IFNAR2: variants seen among roughly 807,000 people sequenced by gnomAD.
The protein encoded by IFNAR2 is interferon alpha and beta receptor subunit 2.
A neutral mutation model predicts 49.4 loss-of-function variants in IFNAR2; 30 were observed. That is an observed-to-expected ratio of 0.61 (90% CI 0.45 to 0.82). IFNAR2 has a LOEUF of 0.82. Among genes scored for constraint, IFNAR2 ranks in the 40% least tolerant of loss-of-function variants. IFNAR2 has a pLI of 0.00. For synonymous variants in IFNAR2, 224 were observed against 234.5 expected (o/e 0.96, Z 0.41); for missense variants, 600 against 622.7 (o/e 0.96, Z 0.39).
chr21:33,231,773 G>C (rs1246546813), intron 1 of IFNAR2: 2 of 764,022 alleles, frequency 2.6e-6, no homozygotes, highest in Non-Finnish European at 3.2e-6. Flanking sequence ...ACAAAGTCTC[G>C]CTCTGTCGCG....
intron 2 of IFNAR2, 107 bp downstream of exon 2, chr21:33,242,084 C>T: frequency 2.1e-6 from 2 of 944,244 alleles, no homozygotes; most frequent in Non-Finnish European, 3.2e-6. Context: ...CTAGAGGACC[C>T]AGTACCACCC....
At position 33,230,403 on chromosome 21, in the gene IFNAR2, G is replaced by C. The variant is rs925711277; in HGVS notation, c.-84+187G>C. 2.0e-5 allele frequency: 10 copies of C among 504,328 alleles called. No individual in the cohort carries two copies. Among genetic ancestry groups the C allele is most frequent in the African/African-American group, 1.0e-4 (5 of 49,052 alleles). 31.2% of individuals were successfully genotyped at this position (504,328 alleles called of 1,614,324 possible). A position where few individuals can be genotyped will look rare whatever the true frequency, so the allele number is the denominator to read the frequency against. On this transcript the variant is annotated intron_variant, in intron 1 of 8. Coordinates refer to ENST00000342136, the MANE Select transcript of IFNAR2 (RefSeq NM_001289125.3). The surrounding 1 kb of genome is among the most constrained non-coding windows in gnomAD (Gnocchi z 5.5). ...GGCTAGTGCGCCCTTCCTCTCTCCC[G>C]GGGCCGCACCTGCGACCCCAGGACC...
At position 33,230,256 on chromosome 21, in the gene IFNAR2, G is replaced by C. The variant is rs1410469468; in HGVS notation, c.-84+40G>C. 3 of 1,098,140 alleles carry C rather than the reference G, an allele frequency of 2.7e-6. No homozygotes were observed. The highest frequency in any genetic ancestry group is 5.4e-5 in the Admixed American group (1 of 18,614). The allele number at this position is 1,098,140 out of a possible 1,614,324, so 68.0% of individuals were successfully genotyped here. On this transcript the variant is annotated intron_variant, in intron 1 of 8. Coordinates refer to ENST00000342136, the MANE Select transcript of IFNAR2 (RefSeq NM_001289125.3). The surrounding 1 kb of genome is among the most constrained non-coding windows in gnomAD (Gnocchi z 5.5). The stretch of plus-strand genomic sequence containing the variant: ...CGGGGTCGCGGGAGCGGAGCGCGTG[G>C]CCAGCTGACTGGAGGGAAAACGCCG...
chr21:33,247,833 C>T (rs536346343), intron 5 of IFNAR2, among the ~76,000 whole-genome samples: 2 of 152,328 alleles, frequency 1.3e-5, no homozygotes, highest in Admixed American at 6.5e-5. Flanking sequence ...TGCGGGTGTG[C>T]ACGTGCTCAT....
intron 3 of IFNAR2, among the ~76,000 whole-genome samples, chr21:33,244,409 T>C (rs2123476481): frequency 6.6e-6 from 1 of 152,310 alleles, no homozygotes; most frequent in African/African-American, 2.4e-5. Flanking sequence ...GTTGTGGGGC[T>C]TAAATGCTTA....
intron 1 of IFNAR2, among the ~76,000 whole-genome samples, chr21:33,234,540 C>G (rs767622583): frequency 6.6e-5 from 10 of 152,096 alleles, no homozygotes; most frequent in Non-Finnish European, 1.5e-4. Context: ...AAGACACAGC[C>G]ATACTTTACC....
In IFNAR2 at chr21:33,251,986, G is replaced by A. The variant is rs533569707; in HGVS notation, c.541-676G>A. The stretch of plus-strand genomic sequence containing the variant: ...TAATCCCAGCTACTCAGGAGACTGA[G>A]GCAAGAGAATCTCTTGAACCCAGGA... On this transcript the variant is annotated intron_variant, in intron 6 of 8. Coordinates refer to ENST00000342136, the MANE Select transcript of IFNAR2 (RefSeq NM_001289125.3). Among the ~76,000 whole-genome samples, 9 of 152,338 alleles carry A rather than the reference G, an allele frequency of 5.9e-5. No individual in the cohort carries two copies. The East Asian group carries it at 1.7e-3, about 29-fold the overall frequency.
Position 33,252,375 on chromosome 21 carries a change from G to GAGACTTTTATTCCTCTTTGA in IFNAR2, c.541-276_541-257dup, listed in dbSNP as rs1397163053. 1.4e-4 allele frequency: 139 copies of GAGACTTTTATTCCTCTTTGA among 1,022,904 alleles called. 1 individual carries two copies. Among genetic ancestry groups the GAGACTTTTATTCCTCTTTGA allele is most frequent in the Admixed American group, 2.7e-4 (7 of 25,912 alleles). The allele number at this position is 1,022,904 out of a possible 1,614,324, so 63.4% of individuals were successfully genotyped here. On this transcript the variant is annotated intron_variant, in intron 6 of 8. Coordinates refer to ENST00000342136, the MANE Select transcript of IFNAR2 (RefSeq NM_001289125.3). Reference sequence around the variant, plus strand: ...ATAATCTTGTAAAAATGACGTCACAGAGACTTTTATTCCTCTTTGAAGACT... The same window carrying GAGACTTTTATTCCTCTTTGA: ...ATAATCTTGTAAAAATGACGTCACAGAGACTTTTATTCCTCTTTGAAGACTTTTATTCCTCTTTGAAGACT...
chr21:33,246,199 T>C (rs1452511898), intron 4 of IFNAR2, among the ~76,000 whole-genome samples: 1 of 152,100 alleles, frequency 6.6e-6, no homozygotes, highest in Non-Finnish European at 1.5e-5. Flanking sequence ...GCCTCCCAAG[T>C]AGCTGGGACT....
chr21:33,257,230 G>A (rs535399906), intron 7 of IFNAR2, among the ~76,000 whole-genome samples: 28 of 152,304 alleles, frequency 1.8e-4, no homozygotes, highest in East Asian at 9.6e-4. Flanking sequence ...TTATGTGTCC[G>A]GAGTTGGTTC....
Position 33,244,993 on chromosome 21 carries a change from A to C in IFNAR2, c.140A>C (p.Asn47Thr). ...TGCACTTTCAAGATATCATTGCGAAATTTCCGGTCCATCTTATCATGGGAA... is the reference window on the plus strand; with the variant it reads ...TGCACTTTCAAGATATCATTGCGAACTTTCCGGTCCATCTTATCATGGGAA... ...ESCTFKISLRNFRSILSWELK... is the reference protein window; with the variant it reads ...ESCTFKISLRTFRSILSWELK... Residue 47 changes from asparagine (N) to threonine (T), a missense_variant, in exon 4 of 9, where the codon AAT (asparagine) becomes ACT (threonine). By Grantham distance (65) the Asn-to-Thr change is moderately conservative. Coordinates refer to ENST00000342136, the MANE Select transcript of IFNAR2 (RefSeq NM_001289125.3). 1 of 1,608,892 alleles carries C rather than the reference A, an allele frequency of 6.2e-7. No individual in the cohort carries two copies. The highest frequency in any genetic ancestry group is 8.5e-7 in the Non-Finnish European group (1 of 1,176,024).
chr21:33,245,185 T>A, intron 4 of IFNAR2, 111 bp downstream of exon 4: 1 of 760,528 alleles, frequency 1.3e-6, no homozygotes, highest in Non-Finnish European at 2.2e-6. Context: ...CCTATCTACC[T>A]CTCCTTCTCT....
At chr21:33,261,339 G>A (rs1040958400) in intron 8 of IFNAR2, among the ~76,000 whole-genome samples, 1 of 151,810 alleles carries the variant, frequency 6.6e-6, no homozygotes, top group African/African-American at 2.4e-5. Flanking sequence ...ACTCAGCAAT[G>A]TTTTGTTTTG....
At position 33,262,777 on chromosome 21, in the gene IFNAR2, T is replaced by TC; in HGVS notation, c.841-16_841-15insC. On this transcript the variant is annotated splice_polypyrimidine_tract_variant and intron_variant, in intron 8 of 8. Transcript: ENST00000342136. ...AGCTGATACGGACTCTCTCTCTCTT[T>TC]TTTTTTTTTTTTAAGAATTTTCATA... 1 of 1,516,616 alleles carries TC rather than the reference T, an allele frequency of 6.6e-7. No individual in the cohort carries two copies. The allele number at this position is 1,516,616 out of a possible 1,614,324, so 93.9% of individuals were successfully genotyped here.
chr21:33,238,489 ATATC>A (rs1191017477), intron 1 of IFNAR2, among the ~76,000 whole-genome samples: 1 of 152,166 alleles, frequency 6.6e-6, no homozygotes, highest in Non-Finnish European at 1.5e-5. Flanking sequence ...TGGGGACAGA[ATATC>A]TGAGAGAGAG....
At chr21:33,246,678 A>C in intron 4 of IFNAR2, 40 bp from the exon 5 acceptor site, 1 of 1,557,890 alleles carries the variant, frequency 6.4e-7, no homozygotes, top group Non-Finnish European at 8.8e-7. Flanking sequence ...CATTACATCA[A>C]TGCTAACAAT....
At chr21:33,256,813 C>T (rs138203392) in intron 7 of IFNAR2, among the ~76,000 whole-genome samples, 2 of 152,024 alleles carry the variant, frequency 1.3e-5, no homozygotes, top group Non-Finnish European at 2.9e-5. Flanking sequence ...CAGTAGGAGA[C>T]AGAATAACAA....
chr21:33,251,736 A>G, intron 6 of IFNAR2: 6 of 985,308 alleles, frequency 6.1e-6, no homozygotes, highest in Non-Finnish European at 7.2e-6. Context: ...CCTTCATATC[A>G]TCTTTTAAAT....
chr21:33,236,169 C>T (rs1986437015), intron 1 of IFNAR2, among the ~76,000 whole-genome samples: 1 of 152,118 alleles, frequency 6.6e-6, no homozygotes, highest in Non-Finnish European at 1.5e-5. Context: ...CTCCACCAGG[C>T]ACAGAGCCAC....
Sources: gnomAD v4.1 joint callset for allele counts (sites outside exome capture counted in the v4.1 genomes callset) on GRCh38, gnomAD v4.1.1 for gene constraint, Gnocchi (gnomAD v3.1) non-coding constraint, MANE v1.5 for transcripts, NCBI Gene and HGNC (gene_info 2026-07-23, HGNC 2026-07-21) for gene names.